Variants in WDR49 observed in about 807,000 individuals in gnomAD.
The protein encoded by WDR49 is WD repeat domain 49.
A neutral mutation model predicts 119.5 loss-of-function variants in WDR49; 107 were observed. The observed-to-expected ratio is 0.90, with a 90% CI of 0.77 to 1.05. The LOEUF (loss-of-function observed/expected upper bound fraction) is 1.05, where lower values mean the gene tolerates loss of function less well. Among genes scored for constraint, WDR49 ranks in the 50% least tolerant of loss-of-function variants. WDR49 has a pLI of 0.00. For missense variants in WDR49, 1,240 were observed against 1,220.5 expected (o/e 1.02, Z -0.24); for synonymous variants, 425 against 418.8 (o/e 1.01, Z -0.18).
chr3:167,480,918 C>G (rs1418431208), intron 18 of WDR49, among the ~76,000 whole-genome samples: 2 of 152,068 alleles, frequency 1.3e-5, no homozygotes, highest in South Asian at 4.1e-4. Flanking sequence ...TGGTTTGGAT[C>G]GGTGAAATAG....
intron 7 of WDR49, among the ~76,000 whole-genome samples, chr3:167,595,936 T>C (rs1483760290): frequency 6.8e-6 from 1 of 147,540 alleles, no homozygotes; most frequent in South Asian, 2.2e-4. Context: ...ACAGGCAACC[T>C]ACAAAATGGG....
At chr3:167,563,023 C>A (rs1297837990) in intron 8 of WDR49, among the ~76,000 whole-genome samples, 1 of 152,148 alleles carries the variant, frequency 6.6e-6, no homozygotes, top group Non-Finnish European at 1.5e-5. Flanking sequence ...AAAATAGTAT[C>A]TTGCTTTCCT....
At chr3:167,559,048 C>T (rs556428654) in intron 9 of WDR49, among the ~76,000 whole-genome samples, 14 of 152,292 alleles carry the variant, frequency 9.2e-5, no homozygotes, top group Non-Finnish European at 1.5e-4. Flanking sequence ...ATACCTTATT[C>T]CATTAACCTT....
rs186902514 is a variant in WDR49 at position 167,616,948 on chromosome 3, T to C, written c.958+3481A>G. Among the ~76,000 whole-genome samples, 5 of 152,316 alleles carry C rather than the reference T, an allele frequency of 3.3e-5. No homozygotes were observed. In the South Asian group the frequency reaches 6.2e-4, roughly 19 times the overall value. On this transcript the variant is annotated intron_variant, in intron 5 of 18. Transcript: ENST00000682715. ...CATTTATATGTAAATGTAATTTTCA[T>C]GTGAGGCATTCAAATTTCCTTCTAG...
intron 3 of WDR49, among the ~76,000 whole-genome samples, chr3:167,622,560 G>T (rs775811630): frequency 6.6e-6 from 1 of 151,986 alleles, no homozygotes; most frequent in Non-Finnish European, 1.5e-5. Context: ...ATACAGCCCC[G>T]TAATACAGAA....
intron 3 of WDR49, among the ~76,000 whole-genome samples, chr3:167,624,005 C>T (rs1312942394): frequency 1.3e-5 from 2 of 151,742 alleles, no homozygotes; most frequent in South Asian, 2.1e-4. Flanking sequence ...AATCTATCTA[C>T]CCAGAATACA....
chr3:167,651,340 C>T (rs1410449911), intron 2 of WDR49, among the ~76,000 whole-genome samples: 1 of 152,152 alleles, frequency 6.6e-6, no homozygotes, highest in Non-Finnish European at 1.5e-5. Context: ...CTTTAGAGTT[C>T]AAAGTTGCAG....
chr3:167,648,275 C>G (rs1718219346), intron 2 of WDR49, among the ~76,000 whole-genome samples: 1 of 152,090 alleles, frequency 6.6e-6, no homozygotes, highest in African/African-American at 2.4e-5. Context: ...GAAAGGTATT[C>G]AATTTTTATT....
At chr3:167,539,742 A>T (rs1199398583) in intron 10 of WDR49, among the ~76,000 whole-genome samples, 2 of 151,602 alleles carry the variant, frequency 1.3e-5, no homozygotes, top group Admixed American at 1.3e-4. Flanking sequence ...CTATCTGAAG[A>T]CTCTCTGAGT....
chr3:167,594,453 T>C (rs1715303735), intron 7 of WDR49, among the ~76,000 whole-genome samples: 1 of 152,114 alleles, frequency 6.6e-6, no homozygotes, highest in Non-Finnish European at 1.5e-5. Flanking sequence ...TTGAGAGAGA[T>C]GATTTAGGGT....
intron 10 of WDR49, among the ~76,000 whole-genome samples, chr3:167,545,710 G>C (rs905128989): frequency 3.3e-5 from 5 of 150,076 alleles, no homozygotes; most frequent in Non-Finnish European, 7.4e-5. Context: ...GGGTACTTGC[G>C]GGGAAGGGTG....
At chr3:167,489,309 C>T (rs1007113579) in intron 18 of WDR49, among the ~76,000 whole-genome samples, 5 of 152,000 alleles carry the variant, frequency 3.3e-5, no homozygotes, top group African/African-American at 9.7e-5. Context: ...TCACTCCTCA[C>T]CCTTTGGAAT....
chr3:167,577,370 T>G (rs192656557), intron 7 of WDR49, among the ~76,000 whole-genome samples: 1 of 152,162 alleles, frequency 6.6e-6, no homozygotes, highest in African/African-American at 2.4e-5. Flanking sequence ...CAAGACCTTG[T>G]TTACTTTTAA....
At chr3:167,580,416 C>T (rs115153697) in intron 7 of WDR49, among the ~76,000 whole-genome samples, 69 of 152,282 alleles carry the variant, frequency 4.5e-4, no homozygotes, top group Non-Finnish European at 8.1e-4. Context: ...ACCTATGATG[C>T]TCGAGAAATC....
In WDR49 at chr3:167,593,144, C is replaced by T. The variant is rs149703404; in HGVS notation, c.1275+8983G>A. 6.8e-4 allele frequency among the ~76,000 whole-genome samples: 104 copies of T among 152,102 alleles called. 1 individual carries two copies. The highest frequency in any genetic ancestry group is 1.9e-3 in the East Asian group (10 of 5,144). ...CTTGTATTTGGACATTGATATGTTTCGCTAGGTTTAGGAAGTTCTCTGTTA... is the reference window on the plus strand; with the variant it reads ...CTTGTATTTGGACATTGATATGTTTTGCTAGGTTTAGGAAGTTCTCTGTTA... On this transcript the variant is annotated intron_variant, in intron 7 of 18. Coordinates refer to ENST00000682715, the MANE Select transcript of WDR49 (RefSeq NM_001366157.1).
chr3:167,624,572 A>G (rs1028669585), intron 3 of WDR49, among the ~76,000 whole-genome samples: 1 of 152,058 alleles, frequency 6.6e-6, no homozygotes, highest in Non-Finnish European at 1.5e-5. Flanking sequence ...TGTATGTGTT[A>G]AAATCTATCA....
intron 8 of WDR49, among the ~76,000 whole-genome samples, chr3:167,561,645 A>G (rs1713276969): frequency 6.6e-6 from 1 of 152,110 alleles, no homozygotes; most frequent in Non-Finnish European, 1.5e-5. Context: ...AGGATTCACA[A>G]AGGAGGTGAT....
At chr3:167,583,213 CCTCTTTTAATTTACAATGTAAATTAAAA>C (rs1427331261) in intron 7 of WDR49, among the ~76,000 whole-genome samples, 1 of 151,716 alleles carries the variant, frequency 6.6e-6, no homozygotes, top group East Asian at 1.9e-4. Context: ...GATCACAGCT[CCTCTTTTAATTTACAATGTAAATTAAAA>C]CTCTTTAAAT....
At chr3:167,517,164 A>C (rs1044802440) in intron 16 of WDR49, among the ~76,000 whole-genome samples, 9 of 152,158 alleles carry the variant, frequency 5.9e-5, no homozygotes, top group African/African-American at 2.2e-4. Flanking sequence ...AATTAGAAAA[A>C]AACTATTTTA....
Sources: allele counts gnomAD v4.1 joint callset (sites outside exome capture counted in the v4.1 genomes callset), GRCh38; gene constraint gnomAD v4.1.1; transcripts MANE v1.5; gene names NCBI Gene and HGNC (gene_info 2026-07-23, HGNC 2026-07-21).